Variants in PKP2 observed in about 807,000 individuals in gnomAD.
PKP2 encodes plakophilin 2, also known as plakophilin-2.
PKP2 carries 73 observed loss-of-function variants against 83.4 expected under a neutral mutation model. That is an observed-to-expected ratio of 0.88 (90% CI 0.72 to 1.06). The LOEUF is 1.06. Among genes scored for constraint, PKP2 ranks in the 50% least tolerant of loss-of-function variants. PKP2 has a pLI of 0.00. For synonymous variants in PKP2, 409 were observed against 430.4 expected (o/e 0.95, Z 0.62); for missense variants, 966 against 1,065.4 (o/e 0.91, Z 1.30).
At chr12:32,842,978 A>G (rs1956610558) in intron 5 of PKP2, among the ~76,000 whole-genome samples, 1 of 139,016 alleles carries the variant, frequency 7.2e-6, no homozygotes, top group South Asian at 2.3e-4. Context: ...TGGCCCAGCA[A>G]TTCCTACTTT....
chr12:32,854,441 T>C (rs1293471671), intron 4 of PKP2, among the ~76,000 whole-genome samples: 1 of 152,226 alleles, frequency 6.6e-6, no homozygotes, highest in Non-Finnish European at 1.5e-5. Context: ...ATCAAGCAAA[T>C]GGATATAAAT....
At chr12:32,804,467 A>G (rs1259959592) in intron 9 of PKP2, among the ~76,000 whole-genome samples, 2 of 152,080 alleles carry the variant, frequency 1.3e-5, no homozygotes, top group Non-Finnish European at 2.9e-5. Context: ...TCATCCCCCA[A>G]CAGGCCCCAG....
At chr12:32,845,224 A>T (rs1956634319) in intron 5 of PKP2, among the ~76,000 whole-genome samples, 1 of 152,226 alleles carries the variant, frequency 6.6e-6, no homozygotes, top group South Asian at 2.1e-4. Context: ...GCTAACCAGT[A>T]AAGGGAGCTT....
At chr12:32,843,338 AG>A (rs1956617770) in intron 5 of PKP2, 2 of 1,363,860 alleles carry the variant, frequency 1.5e-6, no homozygotes, top group South Asian at 2.3e-5. Context: ...GAGGAAGCAT[AG>A]GTACTCAGGG....
chr12:32,792,803 G>A (rs1441372521), intron 11 of PKP2, 72 bp from the exon 12 acceptor site: 10 of 1,186,438 alleles, frequency 8.4e-6, no homozygotes, highest in South Asian at 3.7e-5. Context: ...TGGGTGTTCT[G>A]TAAGACCTCT....
At chr12:32,802,378 C>T (rs369608770) in intron 10 of PKP2, 25 bp downstream of exon 10, 1 of 1,606,420 alleles carries the variant, frequency 6.2e-7, no homozygotes, top group African/African-American at 1.3e-5. Flanking sequence ...GTACATATTA[C>T]ACATAGATAC....
At chr12:32,841,864 T>C (rs533430901) in intron 5 of PKP2, among the ~76,000 whole-genome samples, 104 of 152,308 alleles carry the variant, frequency 6.8e-4, no homozygotes, top group African/African-American at 2.4e-3. Context: ...ATTTTATAGT[T>C]TGGCAGTGAA....
chr12:32,873,880 TACTCATTTGCAGAACCATCAGCCTCCA>T (rs1438610587), intron 3 of PKP2, among the ~76,000 whole-genome samples: 1 of 152,216 alleles, frequency 6.6e-6, no homozygotes, highest in Admixed American at 6.5e-5. Flanking sequence ...AAGATCCTAC[TACTCATTTGCAGAACCATCAGCCTCCA>T]ACTGGTCATA....
rs1377083238 is a variant in PKP2, at chr12:32,791,443, C to T, written c.*981G>A. On this transcript the variant is annotated 3_prime_UTR_variant, in exon 13 of 13. Coordinates refer to ENST00000340811, the MANE Select transcript of PKP2 (RefSeq NM_001005242.3). ...GATAATGTAACTCATTAACATGAGC[C>T]GTATTTTCAGTGCCCCAGGCTGGCC... is the stretch of plus-strand genomic sequence containing the variant. The T allele has an allele frequency of 3.3e-5, 5 of 152,270 alleles. No homozygotes were observed. The highest frequency in any genetic ancestry group is 2.1e-4 in the South Asian group (1 of 4,822). 9.4% of individuals were successfully genotyped at this position (152,270 alleles called of 1,614,324 possible).
intron 1 of PKP2, among the ~76,000 whole-genome samples, chr12:32,882,178 T>C (rs1416665856): frequency 5.3e-5 from 8 of 152,186 alleles, no homozygotes; most frequent in Admixed American, 3.9e-4. Context: ...TTATAAAAAT[T>C]AGTTTAGGGC....
intron 6 of PKP2, among the ~76,000 whole-genome samples, chr12:32,834,427 G>A (rs959505752): frequency 5.7e-4 from 87 of 152,168 alleles, no homozygotes; most frequent in Admixed American, 6.5e-4. Context: ...CTACAATTGC[G>A]GAAGAGTCTT....
chr12:32,829,771 C>T (rs1386093930), intron 6 of PKP2, among the ~76,000 whole-genome samples: 3 of 152,108 alleles, frequency 2.0e-5, no homozygotes, highest in Admixed American at 1.3e-4. Context: ...ACGGGTTCTC[C>T]TTCCTCAGCC....
rs587781109 is a variant in PKP2 at position 32,802,500 on chromosome 12, G to T, written c.2070C>A (p.Thr690=). The T allele has an allele frequency of 6.2e-7, 1 of 1,613,480 alleles. No individual in the cohort carries two copies. Among genetic ancestry groups the T allele is most frequent in the Non-Finnish European group, 8.5e-7 (1 of 1,179,448 alleles). Reference sequence around the variant, plus strand: ...GGTCACCAACATGCAGCATCTTTCGGGTGTGCTGCAGGCCACTTTCCTTCT... The same window carrying T: ...GGTCACCAACATGCAGCATCTTTCGTGTGTGCTGCAGGCCACTTTCCTTCT... ...VVQKESGLQH[T]RKMLHVGDPS... Residue 690 remains threonine (T), a synonymous_variant, in exon 10 of 13, where the codon ACC becomes ACA. Transcript: ENST00000340811.
rs1310964750 is a variant in PKP2 at position 32,887,029 on chromosome 12, TGGTGAAAAA to T, written c.224-8006_224-7998del. On this transcript the variant is annotated intron_variant, in intron 1 of 12. Transcript: ENST00000340811. ...AAGGAAAAAAAAAAAGGGAACACTATGGTGAAAAATTGTTTCAAAGCAGATGAAAGTCTA... is the reference window on the plus strand; with the variant it reads ...AAGGAAAAAAAAAAAGGGAACACTATTTGTTTCAAAGCAGATGAAAGTCTA... 5.1e-3 allele frequency among the ~76,000 whole-genome samples: 765 copies of T among 151,472 alleles called. 8 individuals are homozygous for T. The highest frequency in any genetic ancestry group is 0.018 in the African/African-American group (735 of 41,342).
rs145481953 is a variant in PKP2 at position 32,859,516 on chromosome 12, G to A, written c.1171-8543C>T. On this transcript the variant is annotated intron_variant, in intron 4 of 12. Coordinates refer to ENST00000340811, the MANE Select transcript of PKP2 (RefSeq NM_001005242.3). ...CTGTTGCCCAGGCTGAAGTACACTG[G>A]CATGATCTTGGCTCACTGCAACCTC... 4.9e-3 allele frequency among the ~76,000 whole-genome samples: 750 copies of A among 152,136 alleles called. 6 individuals are homozygous for A. The highest frequency in any genetic ancestry group is 0.017 in the African/African-American group (712 of 41,478).
chr12:32,882,318 A>G (rs1956993575), intron 1 of PKP2, among the ~76,000 whole-genome samples: 1 of 152,166 alleles, frequency 6.6e-6, no homozygotes, highest in South Asian at 2.1e-4. Flanking sequence ...ACTCTATAAT[A>G]AAACGGCAGG....
intron 10 of PKP2, among the ~76,000 whole-genome samples, chr12:32,798,805 T>C (rs1462251031): frequency 6.6e-6 from 1 of 152,138 alleles, no homozygotes; most frequent in African/African-American, 2.4e-5. Context: ...CCTGAAACCA[T>C]AAAAATTCTA....
intron 1 of PKP2, among the ~76,000 whole-genome samples, chr12:32,888,166 C>G (rs942420285): frequency 2.0e-5 from 3 of 152,196 alleles, no homozygotes; most frequent in Non-Finnish European, 4.4e-5. Flanking sequence ...GAGACAGACG[C>G]TGTCTCATGA....
intron 9 of PKP2, among the ~76,000 whole-genome samples, chr12:32,807,524 T>C (rs1956237415): frequency 6.6e-6 from 1 of 152,212 alleles, no homozygotes; most frequent in Non-Finnish European, 1.5e-5. Context: ...TTAGCCCGTT[T>C]ACATTTAAGG....
Sources: allele counts gnomAD v4.1 joint callset (sites outside exome capture counted in the v4.1 genomes callset), GRCh38; gene constraint gnomAD v4.1.1; transcripts MANE v1.5; gene names NCBI Gene and HGNC (gene_info 2026-07-23, HGNC 2026-07-21).